The following SRRT variants were observed in gnomAD, a reference collection of about 807,000 sequenced individuals.
SRRT encodes the protein serrate RNA effector molecule homolog.
A neutral mutation model predicts 103.2 loss-of-function variants in SRRT; 32 were observed. That is an observed-to-expected ratio of 0.31 (90% CI 0.23 to 0.42). The LOEUF is 0.42. SRRT is among the 10% of genes least tolerant of loss of function. The pLI is 1.00. For missense variants in SRRT, 986 were observed against 1,207.5 expected, an observed-to-expected ratio of 0.82 and a Z score of 2.72; for synonymous variants, 525 against 449.0, an observed-to-expected ratio of 1.17 and a Z score of -2.14.
rs1789677244 is a variant in SRRT, at chr7:100,882,506, G to A, written c.587+265G>A. 2.6e-6 allele frequency: 1 copy of A among 382,296 alleles called. No individual in the cohort carries two copies. Among genetic ancestry groups the A allele is most frequent in the Non-Finnish European group, 4.8e-6 (1 of 210,084 alleles). The allele number at this position is 382,296 out of a possible 1,614,324, so 23.7% of individuals were successfully genotyped here. A position where few individuals can be genotyped will look rare whatever the true frequency, so the allele number is the denominator to read the frequency against. Reference sequence around the variant, plus strand: ...AGGCCAGAGCCACTTGGCCCCTTGGGGCAGCAGACAGACTGCTTCCCACTT... The same window carrying A: ...AGGCCAGAGCCACTTGGCCCCTTGGAGCAGCAGACAGACTGCTTCCCACTT... On this transcript the variant is annotated intron_variant, in intron 5 of 19. Coordinates refer to ENST00000611405, the MANE Select transcript of SRRT (RefSeq NM_015908.6). This position sits in a 1 kb window ranked among gnomAD's most constrained non-coding sequence, Gnocchi z 4.2.
intron 2 of SRRT, among the ~76,000 whole-genome samples, chr7:100,879,432 C>T (rs1220346966): frequency 1.3e-5 from 2 of 152,096 alleles, no homozygotes; most frequent in African/African-American, 4.8e-5. Context: ...AACAAAATAT[C>T]TCAACAGATT....
In SRRT at chr7:100,884,651, A is replaced by C. The variant is rs1584750177; in HGVS notation, c.943-89A>C. 3 of 1,381,886 alleles carry C rather than the reference A, an allele frequency of 2.2e-6. No individual in the cohort carries two copies. In the East Asian group the frequency reaches 8.6e-5, roughly 40 times the overall value. 85.6% of individuals were successfully genotyped at this position (1,381,886 alleles called of 1,614,324 possible). A position where few individuals can be genotyped will look rare whatever the true frequency, so the allele number is the denominator to read the frequency against. On this transcript the variant is annotated intron_variant, in intron 7 of 19. Coordinates refer to ENST00000611405, the MANE Select transcript of SRRT (RefSeq NM_015908.6). ...TAGAAGTAGGGGGCTGGGGAAAATG[A>C]ACCTGTGGCCTCAGCTGTGGGGGTG...
intron 2 of SRRT, among the ~76,000 whole-genome samples, chr7:100,879,453 G>A (rs1301299885): frequency 6.6e-6 from 1 of 152,088 alleles, no homozygotes; most frequent in African/African-American, 2.4e-5. Flanking sequence ...CAGTGTAGAA[G>A]CTATCCTCTA....
In SRRT at chr7:100,881,737, C is replaced by G; in HGVS notation, c.330C>G (p.Gly110=). 4 of 1,613,838 alleles carry G rather than the reference C, an allele frequency of 2.5e-6. No homozygotes were observed. Among genetic ancestry groups the G allele is most frequent in the Non-Finnish European group, 3.4e-6 (4 of 1,179,976 alleles). The change falls in exon 4 of 20, where the codon GGC becomes GGG. Residue 110 remains glycine, a synonymous_variant. Coordinates refer to ENST00000611405, the MANE Select transcript of SRRT (RefSeq NM_015908.6). ...GGGGGGGTGGGGGCCCAACTTATGG[C>G]CCCCCTCAGCCCTGGGGCCACCCTG... ...YAGGGGGPTY[G]PPQPWGHPDV...
intron 13 of SRRT, 79 bp downstream of exon 13, chr7:100,886,514 G>GC (rs1790116911): frequency 7.0e-7 from 1 of 1,434,420 alleles, no homozygotes; most frequent in Non-Finnish European, 9.4e-7. Flanking sequence ...TTACCTATCT[G>GC]TAGCCTTGAA....
At position 100,885,277 on chromosome 7, in the gene SRRT, G is replaced by C; in HGVS notation, c.1224G>C (p.Ala408=). 1.2e-6 allele frequency: 2 copies of C among 1,614,172 alleles called. No individual in the cohort carries two copies. Among genetic ancestry groups the C allele is most frequent in the Non-Finnish European group, 1.7e-6 (2 of 1,180,032 alleles). ...EEEWEKPKDA[A]GLECKPRPLH... ...AATGGGAGAAGCCCAAGGACGCCGC[G>C]GGGCTGGAGTGCAAGCCGCGGCCGC... Residue 408 remains alanine, a synonymous_variant, in exon 10 of 20, where the codon GCG becomes GCC. Transcript: ENST00000611405. The surrounding 1 kb of genome is among the most constrained non-coding windows in gnomAD (Gnocchi z 4.8).
At chr7:100,875,769 G>T (rs1187826123) in intron 2 of SRRT, 57 bp downstream of exon 2, 11 of 1,601,812 alleles carry the variant, frequency 6.9e-6, no homozygotes, top group Non-Finnish European at 9.4e-6. Context: ...CTCCACCCGC[G>T]TCGCTTTTCT....
rs141849947 is a variant in SRRT, at chr7:100,888,130, C to T, written c.2415C>T (p.Ile805=). ...CCTATGGTCAGCCCCGGCCCCCGAT[C>T]TTGGGCTATGGAGGTAAGTACAGGA... ...LMPYGQPRPP[I]LGYGAGAVRP... Residue 805 remains isoleucine (I), a synonymous_variant, in exon 18 of 20, where the codon ATC becomes ATT. Coordinates refer to ENST00000611405, the MANE Select transcript of SRRT (RefSeq NM_015908.6). The T allele has an allele frequency of 1.4e-5, 22 of 1,610,754 alleles. No individual in the cohort carries two copies. The African/African-American group carries it at 2.3e-4, about 17-fold the overall frequency.
At position 100,882,846 on chromosome 7, in the gene SRRT, A is replaced by C. The variant is rs566505543; in HGVS notation, c.587+605A>C. ...CACCCCCACCATACCCAGCCCATAC[A>C]TGAGCCCCTGGGCTGAGCTGCGCGG... On this transcript the variant is annotated intron_variant, in intron 5 of 19. Coordinates refer to ENST00000611405, the MANE Select transcript of SRRT (RefSeq NM_015908.6). This position sits in a 1 kb window ranked among gnomAD's most constrained non-coding sequence, Gnocchi z 4.2. The C allele has an allele frequency of 6.6e-6, 1 of 151,748 alleles. No homozygotes were observed. Among genetic ancestry groups the C allele is most frequent in the Admixed American group, 6.6e-5 (1 of 15,246 alleles). 9.4% of individuals were successfully genotyped at this position (151,748 alleles called of 1,614,324 possible). A position where few individuals can be genotyped will look rare whatever the true frequency, so the allele number is the denominator to read the frequency against.
At position 100,887,948 on chromosome 7, in the gene SRRT, T is replaced by C. The variant is rs911961768; in HGVS notation, c.2326+89T>C. 1.4e-5 allele frequency: 21 copies of C among 1,540,754 alleles called. No individual in the cohort carries two copies. The highest frequency in any genetic ancestry group is 4.7e-4 in the Middle Eastern group (2 of 4,276). ...CTCTTTAACGTGTCACCCCGAGAAG[T>C]TTCTGCCCCATCCTCAGGCCATAGC... On this transcript the variant is annotated intron_variant, in intron 17 of 19. Coordinates refer to ENST00000611405, the MANE Select transcript of SRRT (RefSeq NM_015908.6). The surrounding 1 kb of genome is among the most constrained non-coding windows in gnomAD (Gnocchi z 4.1).
In SRRT at chr7:100,875,580, C is replaced by T. The variant is rs764646001; in HGVS notation, c.-11C>T. The T allele has an allele frequency of 2.5e-6, 4 of 1,613,856 alleles. No individual in the cohort carries two copies. Among genetic ancestry groups the T allele is most frequent in the Non-Finnish European group, 3.4e-6 (4 of 1,179,820 alleles). On this transcript the variant is annotated 5_prime_UTR_variant, in exon 2 of 20. Coordinates refer to ENST00000611405, the MANE Select transcript of SRRT (RefSeq NM_015908.6). ...CCTCTCCCCGGTCCCCAGGCCCCCT[C>T]AGACCGTGCCATGGGTGACAGTGAT...
At position 100,875,233 on chromosome 7, in the gene SRRT, C is replaced by A; in HGVS notation, c.-114C>A. On this transcript the variant is annotated 5_prime_UTR_variant, in exon 1 of 20. Coordinates refer to ENST00000611405, the MANE Select transcript of SRRT (RefSeq NM_015908.6). ...CTACTCAAGAGCTCCGTCTCCGTCT[C>A]GCCCTCCTCGAAGTCCTCGTCGCGC... The A allele has an allele frequency of 3.1e-6, 1 of 325,494 alleles. No homozygotes were observed. Among genetic ancestry groups the A allele is most frequent in the Non-Finnish European group, 5.3e-6 (1 of 187,848 alleles). 20.2% of individuals were successfully genotyped at this position (325,494 alleles called of 1,614,324 possible). A position where few individuals can be genotyped will look rare whatever the true frequency, so the allele number is the denominator to read the frequency against.
At chr7:100,880,964 C>A (rs1291680041) in intron 2 of SRRT, among the ~76,000 whole-genome samples, 1 of 152,082 alleles carries the variant, frequency 6.6e-6, no homozygotes, top group African/African-American at 2.4e-5. Flanking sequence ...CTTGCCCTGA[C>A]TAGAGAAAAA....
chr7:100,875,763 A>G (rs563463610), intron 2 of SRRT, 51 bp downstream of exon 2: 6 of 1,603,584 alleles, frequency 3.7e-6, no homozygotes, highest in African/African-American at 2.7e-5. Flanking sequence ...GTTTCACTCC[A>G]CCCGCGTCGC....
chr7:100,886,614 G>GTGA, intron 13 of SRRT, 179 bp downstream of exon 13: 1 of 952,934 alleles, frequency 1.0e-6, no homozygotes, highest in South Asian at 1.6e-5. Flanking sequence ...GGGGATGCTA[G>GTGA]TGATCATTTG....
rs1348484684 is a variant in SRRT at position 100,876,081 on chromosome 7, A to T, written c.122+369A>T. The stretch of plus-strand genomic sequence containing the variant: ...AGCCTCCACCTCCCGGGCTCAACCG[A>T]GCCTCCCGCCTCAGCCTCTTGAGAA... On this transcript the variant is annotated intron_variant, in intron 2 of 19. Coordinates refer to ENST00000611405, the MANE Select transcript of SRRT (RefSeq NM_015908.6). The T allele has an allele frequency of 2.8e-5, 6 of 211,872 alleles. No homozygotes were observed. In the East Asian group the frequency reaches 6.8e-4, roughly 24 times the overall value. The allele number at this position is 211,872 out of a possible 1,614,324, so 13.1% of individuals were successfully genotyped here.
rs760704675 is a variant in SRRT at position 100,882,266 on chromosome 7, C to T, written c.587+25C>T. On this transcript the variant is annotated intron_variant, in intron 5 of 19. Transcript: ENST00000611405. The surrounding 1 kb of genome is among the most constrained non-coding windows in gnomAD (Gnocchi z 4.2). ...GGTGAGTGCCCCTACTTCCCTGGAC[C>T]TCTGCCCTGGCATGTCCCCCTGGCC... 68 of 1,609,150 alleles carry T rather than the reference C, an allele frequency of 4.2e-5. 1 individual carries two copies. Among genetic ancestry groups the T allele is most frequent in the Middle Eastern group, 3.3e-4 (2 of 6,052 alleles).
In SRRT at chr7:100,888,615, G is replaced by T. The variant is rs773994116; in HGVS notation, c.*66G>T. ...ACTACCTTGTCCTATGAAGCTCTGA[G>T]AATTTTTTGTACGATCAGCCTTACT... is the stretch of plus-strand genomic sequence containing the variant. On this transcript the variant is annotated 3_prime_UTR_variant, in exon 20 of 20. Coordinates refer to ENST00000611405, the MANE Select transcript of SRRT (RefSeq NM_015908.6). 1.9e-5 allele frequency: 30 copies of T among 1,603,154 alleles called. No homozygotes were observed. The highest frequency in any genetic ancestry group is 2.3e-5 in the Non-Finnish European group (27 of 1,170,204).
intron 12 of SRRT, 77 bp downstream of exon 12, chr7:100,886,018 CATCT>C: frequency 7.9e-6 from 12 of 1,519,030 alleles, no homozygotes; most frequent in Non-Finnish European, 1.0e-5. Context: ...TGACTTTGTT[CATCT>C]GATAGTTTGG....
Sources: allele counts gnomAD v4.1 joint callset (sites outside exome capture counted in the v4.1 genomes callset), GRCh38; gene constraint gnomAD v4.1.1; non-coding constraint Gnocchi (gnomAD v3.1); transcripts MANE v1.5; gene names NCBI Gene and HGNC (gene_info 2026-07-23, HGNC 2026-07-21).